PLSCR2: variants seen among roughly 807,000 people sequenced by gnomAD.
PLSCR2 encodes the protein phospholipid scramblase 2, also known as PL scramblase 2.
A neutral mutation model predicts 25.3 loss-of-function variants in PLSCR2; 18 were observed. That is an observed-to-expected ratio of 0.71 (90% confidence interval 0.49 to 1.06). The LOEUF is 1.06. Ranked by LOEUF, PLSCR2 falls within the 50% of genes least tolerant of loss-of-function variation. The probability of loss-of-function intolerance (pLI) is 0.00; values close to 1 mark genes in which losing one functional copy is unlikely to be tolerated. For missense variants in PLSCR2, 243 were observed against 269.5 expected, an observed-to-expected ratio of 0.90 and a Z score of 0.69; for synonymous variants, 88 against 87.3, an observed-to-expected ratio of 1.01 and a Z score of -0.04.
intron 2 of PLSCR2, among the ~76,000 whole-genome samples, chr3:146,410,201 G>A (rs867920831): frequency 6.6e-6 from 1 of 152,202 alleles, no homozygotes; most frequent in Middle Eastern, 3.4e-3. Context: ...GGGCGAGGAG[G>A]AAAAGGACTA....
At chr3:146,472,047 G>A (rs183972181) in intron 1 of PLSCR2, among the ~76,000 whole-genome samples, 8 of 151,906 alleles carry the variant, frequency 5.3e-5, no homozygotes, top group South Asian at 2.1e-4. Flanking sequence ...CTTCCTTTAC[G>A]TCTATTCCTT....
At chr3:146,469,603 G>A in intron 1 of PLSCR2, 42 bp from the exon 1 acceptor site, 3 of 984,578 alleles carry the variant, frequency 3.0e-6, no homozygotes, top group Non-Finnish European at 3.6e-6. Flanking sequence ...AGCCCTCCCG[G>A]AAGTCGGCGG....
exon 4 of PLSCR2, chr3:146,455,312 A>G: frequency 1.2e-6 from 2 of 1,614,058 alleles, no homozygotes; most frequent in Non-Finnish European, 1.7e-6. Flanking sequence ...TTCTCGACCC[A>G]CATTATCAGT....
chr3:146,410,568 T>C (rs112622341), intron 2 of PLSCR2, among the ~76,000 whole-genome samples: 1,762 of 152,306 alleles, frequency 0.012, 36 homozygotes, highest in African/African-American at 0.039. Flanking sequence ...CCAGCCTAAA[T>C]GACTGATGAG....
chr3:146,457,663 A>G (rs1474019207), intron 3 of PLSCR2, among the ~76,000 whole-genome samples: 1 of 152,252 alleles, frequency 6.6e-6, no homozygotes, highest in Non-Finnish European at 1.5e-5. Flanking sequence ...AAGTTTACTC[A>G]CTTGGAAATG....
At chr3:146,460,312 A>AC in exon 1 of PLSCR2, 1 of 877,636 alleles carries the variant, frequency 1.1e-6, no homozygotes, top group Non-Finnish European at 1.5e-6. Flanking sequence ...CTAGAGCTTT[A>AC]CTTTTACTAT....
chr3:146,427,265 T>C (rs957102349), intron 2 of PLSCR2, among the ~76,000 whole-genome samples: 5 of 152,178 alleles, frequency 3.3e-5, no homozygotes, highest in Admixed American at 6.5e-5. Flanking sequence ...AGAATCTATA[T>C]TAGTTCCTAG....
rs919361921 is a variant in PLSCR2, at chr3:146,473,811, G to C, written c.-292-13527C>G. Among the ~76,000 whole-genome samples, 6 of 152,272 alleles carry C rather than the reference G, an allele frequency of 3.9e-5. No individual in the cohort carries two copies. In the South Asian group the frequency reaches 1.2e-3, roughly 32 times the overall value. On this transcript the variant is annotated intron_variant, in intron 1 of 8. Coordinates refer to the PLSCR2 transcript ENST00000336685. ...TCTAATTCAATATATTTGGAACGGG[G>C]CTTGAGAATTTGCTTTTCTAATAAA...
chr3:146,491,332 C>T (rs781204685), intron 1 of PLSCR2, among the ~76,000 whole-genome samples: 5 of 151,650 alleles, frequency 3.3e-5, no homozygotes, highest in Non-Finnish European at 7.4e-5. Flanking sequence ...CTATGTGTCT[C>T]GGGGATGTTT....
intron 2 of PLSCR2, among the ~76,000 whole-genome samples, chr3:146,422,497 T>G (rs1369776425): frequency 6.6e-6 from 1 of 152,098 alleles, no homozygotes; most frequent in Non-Finnish European, 1.5e-5. Flanking sequence ...CAGCTATGAC[T>G]GGTGTTATCA....
At chr3:146,422,016 C>T (rs1410397856) in intron 2 of PLSCR2, among the ~76,000 whole-genome samples, 1 of 152,060 alleles carries the variant, frequency 6.6e-6, no homozygotes, top group Non-Finnish European at 1.5e-5. Context: ...AGATTCAGTT[C>T]TGGTCAATAT....
At chr3:146,466,926 A>G (rs748332075) in intron 1 of PLSCR2, among the ~76,000 whole-genome samples, 6 of 152,224 alleles carry the variant, frequency 3.9e-5, no homozygotes, top group Non-Finnish European at 8.8e-5. Flanking sequence ...TAAGATAGAA[A>G]TATCTTGAAT....
At chr3:146,461,891 T>C, upstream of PLSCR2, 1 of 1,499,342 alleles carries the variant, frequency 6.7e-7, no homozygotes, top group Non-Finnish European at 9.0e-7. Context: ...TTGCGAAGTT[T>C]TCAGGAGTGC....
chr3:146,459,141 T>C (rs76386192), intron 2 of PLSCR2, among the ~76,000 whole-genome samples: 229 of 152,274 alleles, frequency 1.5e-3, no homozygotes, highest in African/African-American at 5.3e-3. Flanking sequence ...TATCATGTAG[T>C]ACAGCAAAAT....
At chr3:146,414,736 T>C (rs1033192027) in intron 2 of PLSCR2, among the ~76,000 whole-genome samples, 1 of 152,192 alleles carries the variant, frequency 6.6e-6, no homozygotes, top group East Asian at 1.9e-4. Context: ...GGGAGCACAA[T>C]TGGACTATCC....
At chr3:146,420,687 T>G (rs1188345685) in intron 2 of PLSCR2, among the ~76,000 whole-genome samples, 1 of 152,082 alleles carries the variant, frequency 6.6e-6, no homozygotes, top group Non-Finnish European at 1.5e-5. Context: ...TTAAATATTG[T>G]CATGATATAA....
At chr3:146,419,313 G>A (rs907758865) in intron 2 of PLSCR2, among the ~76,000 whole-genome samples, 3 of 151,978 alleles carry the variant, frequency 2.0e-5, no homozygotes, top group South Asian at 4.1e-4. Context: ...TTCCTTCTGA[G>A]CTCTCACATA....
intron 2 of PLSCR2, among the ~76,000 whole-genome samples, chr3:146,420,184 T>C (rs746264620): frequency 1.3e-5 from 2 of 152,118 alleles, no homozygotes; most frequent in Non-Finnish European, 2.9e-5. Context: ...TTGACAAGTT[T>C]TACCAGTATT....
At chr3:146,466,586 G>A (rs2041881456) in intron 1 of PLSCR2, among the ~76,000 whole-genome samples, 1 of 152,130 alleles carries the variant, frequency 6.6e-6, no homozygotes, top group Non-Finnish European at 1.5e-5. Flanking sequence ...GGAGACAAAA[G>A]CAACAAAAAT....
Sources: gnomAD v4.1 joint callset for allele counts (sites outside exome capture counted in the v4.1 genomes callset) on GRCh38, gnomAD v4.1.1 for gene constraint, MANE v1.5 for transcripts, NCBI Gene and HGNC (gene_info 2026-07-23, HGNC 2026-07-21) for gene names.